The following UTRN variants were observed in gnomAD, a reference collection of about 807,000 sequenced individuals.
UTRN encodes utrophin.
UTRN carries 283 observed loss-of-function variants against 463.9 expected under a neutral mutation model. That is an observed-to-expected ratio of 0.61 (90% CI 0.55 to 0.67). UTRN has a LOEUF of 0.67. UTRN is among the 30% of genes least tolerant of loss of function. The probability of loss-of-function intolerance (pLI) is 0.00; values close to 1 mark genes in which losing one functional copy is unlikely to be tolerated. For missense variants in UTRN, 3,922 were observed against 4,084.3 expected (o/e 0.96, Z 1.08); for synonymous variants, 1,442 against 1,431.5 (o/e 1.01, Z -0.17).
chr6:144,368,210 T>C (rs569648597), intron 2 of UTRN, among the ~76,000 whole-genome samples: 1 of 152,304 alleles, frequency 6.6e-6, no homozygotes, highest in Admixed American at 6.5e-5. Context: ...CACGTGGACA[T>C]TGAAGATAAC....
intron 46 of UTRN, among the ~76,000 whole-genome samples, chr6:144,547,557 C>T (rs1798522507): frequency 6.6e-6 from 1 of 152,012 alleles, no homozygotes; most frequent in African/African-American, 2.4e-5. Flanking sequence ...CCATCATTTC[C>T]CTGCTGCAGC....
chr6:144,371,702 C>T (rs1298344259), intron 2 of UTRN, among the ~76,000 whole-genome samples: 1 of 152,208 alleles, frequency 6.6e-6, no homozygotes, highest in Non-Finnish European at 1.5e-5. Flanking sequence ...GCCACTGCGC[C>T]TGGCCGCAGA....
At chr6:144,318,945 T>C (rs1269458958) in intron 2 of UTRN, among the ~76,000 whole-genome samples, 2 of 152,150 alleles carry the variant, frequency 1.3e-5, no homozygotes, top group African/African-American at 4.8e-5. Context: ...TGCCAGCACC[T>C]GTGGTCCCAG....
At chr6:144,756,371 T>C (rs2128725504) in intron 57 of UTRN, among the ~76,000 whole-genome samples, 1 of 152,296 alleles carries the variant, frequency 6.6e-6, no homozygotes, top group Middle Eastern at 3.4e-3. Context: ...AGTGAAATAT[T>C]GTGAAATTTA....
At chr6:144,539,248 C>A in intron 44 of UTRN, 46 bp from the exon 45 acceptor site, 2 of 1,505,786 alleles carry the variant, frequency 1.3e-6, no homozygotes, top group South Asian at 1.4e-5. Flanking sequence ...TGAATTTTCC[C>A]TTATCTGACT....
intron 2 of UTRN, among the ~76,000 whole-genome samples, chr6:144,350,212 G>C (rs1032542496): frequency 6.6e-6 from 1 of 150,840 alleles, no homozygotes; most frequent in Non-Finnish European, 1.5e-5. Flanking sequence ...TAGTAATATA[G>C]TTCAAATGTC....
intron 66 of UTRN, 71 bp downstream of exon 66, chr6:144,821,089 C>T: frequency 1.3e-6 from 2 of 1,526,940 alleles, no homozygotes; most frequent in South Asian, 1.3e-5. Flanking sequence ...ATGTTAGTAA[C>T]ACAAGAGAAA....
chr6:144,608,816 G>A (rs1414427693), intron 51 of UTRN, among the ~76,000 whole-genome samples: 1 of 152,076 alleles, frequency 6.6e-6, no homozygotes, highest in Non-Finnish European at 1.5e-5. Flanking sequence ...AATTTGTTTG[G>A]GTTTGAGAAG....
intron 61 of UTRN, among the ~76,000 whole-genome samples, chr6:144,782,765 T>G (rs141639140): frequency 3.9e-5 from 6 of 152,132 alleles, no homozygotes; most frequent in African/African-American, 1.2e-4. Flanking sequence ...TGCCATTAAT[T>G]TGGCCCTTTT....
chr6:144,822,540 T>C (rs1045587997), intron 66 of UTRN, among the ~76,000 whole-genome samples: 1 of 152,166 alleles, frequency 6.6e-6, no homozygotes, highest in Non-Finnish European at 1.5e-5. Context: ...TGTGTCTTTC[T>C]AAACATTCTT....
intron 62 of UTRN, 142 bp downstream of exon 62, chr6:144,789,421 TAGAC>T: frequency 3.0e-6 from 2 of 667,040 alleles, no homozygotes; most frequent in Non-Finnish European, 4.7e-6. Context: ...TATACCAAGT[TAGAC>T]AGAGGGTGGC....
rs759669417 is a variant in UTRN, at chr6:144,840,755, T to C, written c.10193T>C (p.Leu3398Pro). ...GCTGTCACAGCGGGAGAGGACCTGC[T>C]GGCCCCACCGCACGACACCAGCACG... ...QFHQAAGEDL[L>P]APPHDTSTDL... is the part of the protein sequence containing the mutation. The change falls in exon 73 of 75, where the codon CTG becomes CCG. Residue 3398 changes from leucine to proline, a missense_variant. Transcript: ENST00000367545. The C allele has an allele frequency of 2.5e-6, 4 of 1,613,910 alleles. No individual in the cohort carries two copies. Among genetic ancestry groups the C allele is most frequent in the African/African-American group, 2.7e-5 (2 of 74,928 alleles).
chr6:144,459,204 C>G lies in UTRN; in HGVS notation c.2557C>G (p.Pro853Ala). The G allele has an allele frequency of 6.2e-7, 1 of 1,613,092 alleles. No individual in the cohort carries two copies. The highest frequency in any genetic ancestry group is 1.1e-5 in the South Asian group (1 of 90,882). Residue 853 changes from proline (P) to alanine (A), a missense_variant, in exon 21 of 75, where the codon CCC becomes GCC. Physicochemically the swap from Pro to Ala is conservative, Grantham distance 27 (BLOSUM62 -1). Coordinates refer to ENST00000367545, the MANE Select transcript of UTRN (RefSeq NM_007124.3). Reference sequence around the variant, plus strand: ...ATTGACAAATCTTCTTGGCCTTCACCCCAAAATTGAAATGGCTCGTGCAAG... The same window carrying G: ...ATTGACAAATCTTCTTGGCCTTCACGCCAAAATTGAAATGGCTCGTGCAAG... Reference protein sequence around the residue: ...RELTNLLGLHPKIEMARASCS... With the variant: ...RELTNLLGLHAKIEMARASCS...
intron 34 of UTRN, among the ~76,000 whole-genome samples, chr6:144,508,140 G>T (rs1452554057): frequency 6.6e-6 from 1 of 152,180 alleles, no homozygotes; most frequent in African/African-American, 2.4e-5. Flanking sequence ...CTGGCAGCGA[G>T]AATTTCCAGC....
chr6:144,811,363 T>C (rs1778595393), intron 65 of UTRN, among the ~76,000 whole-genome samples: 1 of 152,150 alleles, frequency 6.6e-6, no homozygotes, highest in Non-Finnish European at 1.5e-5. Flanking sequence ...TGATGTGGGG[T>C]GTTTGCCAAT....
intron 19 of UTRN, 24 bp downstream of exon 19, chr6:144,453,893 C>T: frequency 6.3e-7 from 1 of 1,598,240 alleles, no homozygotes; most frequent in Non-Finnish European, 8.6e-7. Context: ...TTTTTTTCCC[C>T]TATATTTTTC....
At chr6:144,581,058 G>A (rs1040142306) in intron 51 of UTRN, among the ~76,000 whole-genome samples, 8 of 152,206 alleles carry the variant, frequency 5.3e-5, no homozygotes, top group Admixed American at 3.3e-4. Flanking sequence ...GCAAGTTAGC[G>A]GGAAATGTGT....
At chr6:144,321,354 C>T (rs1373261387) in intron 2 of UTRN, among the ~76,000 whole-genome samples, 7 of 151,788 alleles carry the variant, frequency 4.6e-5, no homozygotes, top group South Asian at 4.2e-4. Context: ...CTTCTATTTT[C>T]GCCTTTTTAC....
intron 2 of UTRN, among the ~76,000 whole-genome samples, chr6:144,320,524 TAATC>T (rs1403627747): frequency 1.3e-5 from 2 of 152,278 alleles, no homozygotes; most frequent in Admixed American, 1.3e-4. Context: ...GATTATGAAA[TAATC>T]AATTATAAAT....
Sources: allele counts gnomAD v4.1 joint callset (sites outside exome capture counted in the v4.1 genomes callset), GRCh38; gene constraint gnomAD v4.1.1; transcripts MANE v1.5; gene names NCBI Gene and HGNC (gene_info 2026-07-23, HGNC 2026-07-21).